Variants in ENTPD2 observed in about 807,000 individuals in gnomAD.
ENTPD2 encodes the protein CD39 antigen-like 1.
ENTPD2 carries 48 observed loss-of-function variants against 46.8 expected under a neutral mutation model. The observed-to-expected ratio is 1.03, with a 90% confidence interval of 0.81 to 1.30. The LOEUF (loss-of-function observed/expected upper bound fraction) is 1.30, where lower values mean the gene tolerates loss of function less well. ENTPD2 is among the 50% of genes most tolerant of loss of function. ENTPD2 has a pLI of 0.00. For synonymous variants in ENTPD2, 316 were observed against 286.1 expected (o/e 1.10, Z -1.06); for missense variants, 707 against 651.1 (o/e 1.09, Z -0.93).
rs990508783 is a variant in ENTPD2 at position 137,049,152 on chromosome 9, C to T, written c.1150-77G>A. On this transcript the variant is annotated intron_variant, in intron 7 of 8. Transcript: ENST00000355097. ...CCCCACGGGGAGAGGGGGCCGGCGG[C>T]GTGCTTCACCCCTCCCCAGACACAC... 1.2e-5 allele frequency: 18 copies of T among 1,532,396 alleles called. No homozygotes were observed. In the Admixed American group the frequency reaches 3.0e-4, roughly 25 times the overall value. 94.9% of individuals were successfully genotyped at this position (1,532,396 alleles called of 1,614,324 possible).
intron 4 of ENTPD2, 33 bp downstream of exon 4, chr9:137,051,178 C>T: frequency 3.1e-6 from 5 of 1,611,752 alleles, no homozygotes; most frequent in Non-Finnish European, 3.4e-6. Context: ...GGCGCCCACG[C>T]CCCCTGGCTC....
rs771012813 is a variant in ENTPD2, at chr9:137,049,968, T to C, written c.1051A>G (p.Thr351Ala). Residue 351 changes from threonine to alanine, a missense_variant, in exon 7 of 9, where the codon ACT becomes GCT. Physicochemically the swap from Thr to Ala is moderately conservative, Grantham distance 58. Coordinates refer to ENST00000355097, the MANE Select transcript of ENTPD2 (RefSeq NM_203468.3). ...NFVAFSAFFY[T>A]VDFLRTSMGL... ...ATCGAAGTCCGCAAAAAGTCCACAG[T>C]GTAGAAGAAGGCAGAGAAGGCCTGT... 2.5e-6 allele frequency: 4 copies of C among 1,612,538 alleles called. No homozygotes were observed. Among genetic ancestry groups the C allele is most frequent in the South Asian group, 2.2e-5 (2 of 91,048 alleles).
chr9:137,051,741 G>C, intron 2 of ENTPD2, 81 bp from the exon 3 acceptor site: 1 of 1,468,196 alleles, frequency 6.8e-7, no homozygotes, highest in Non-Finnish European at 9.0e-7. Flanking sequence ...GAGGGTGGGG[G>C]TGGGGGCCGT....
At position 137,053,976 on chromosome 9, in the gene ENTPD2, G is replaced by C; in HGVS notation, c.22C>G (p.Leu8Val). 8.3e-7 allele frequency: 1 copy of C among 1,207,716 alleles called. No homozygotes were observed. The allele number at this position is 1,207,716 out of a possible 1,614,324, so 74.8% of individuals were successfully genotyped here. Residue 8 changes from leucine (L) to valine (V), a missense_variant, in exon 1 of 9, where the codon CTG becomes GTG. Transcript: ENST00000355097. Reference protein sequence around the residue: MAGKVRSLLPPLLLAAAG... With the variant: MAGKVRSVLPPLLLAAAG... ...GCGGCCAGCAGCAGCGGCGGCAGCA[G>C]TGACCGCACCTTCCCGGCCATGGGC...
Position 137,050,452 on chromosome 9 carries a change from G to A in ENTPD2, c.861C>T (p.Ala287=), listed in dbSNP as rs146204639. 17 of 1,612,816 alleles carry A rather than the reference G, an allele frequency of 1.1e-5. No homozygotes were observed. The highest frequency in any genetic ancestry group is 1.6e-4 in the Middle Eastern group (1 of 6,082). ...TGCTGTTGAAGTTCTGGGGCCGCTGGGCCATGGTGCATGGTGACTGGTACA... is the reference window on the plus strand; with the variant it reads ...TGCTGTTGAAGTTCTGGGGCCGCTGAGCCATGGTGCATGGTGACTGGTACA... ...GDVYQSPCTM[A]QRPQNFNSSA... is the part of the protein sequence containing the mutation. The change falls in exon 6 of 9, where the codon GCC becomes GCT. Residue 287 remains alanine, a synonymous_variant. Coordinates refer to ENST00000355097, the MANE Select transcript of ENTPD2 (RefSeq NM_203468.3).
chr9:137,049,381 C>G (rs980117390), intron 7 of ENTPD2: 2 of 625,278 alleles, frequency 3.2e-6, no homozygotes, highest in South Asian at 3.1e-5. Context: ...GGGAACAGGA[C>G]GAGCTCCAGG....
At position 137,049,925 on chromosome 9, in the gene ENTPD2, G is replaced by A. The variant is rs768660044; in HGVS notation, c.1094C>T (p.Thr365Ile). ...TGCGGCTGCCTCCAGCTGCTGCAGGGTGGCCACGGGCAGCCCCATCGAAGT... is the reference window on the plus strand; with the variant it reads ...TGCGGCTGCCTCCAGCTGCTGCAGGATGGCCACGGGCAGCCCCATCGAAGT... ...LRTSMGLPVA[T>I]LQQLEAAAVN... The change falls in exon 7 of 9, where the codon ACC (threonine) becomes ATC (isoleucine). Residue 365 changes from threonine to isoleucine, a missense_variant. Coordinates refer to ENST00000355097, the MANE Select transcript of ENTPD2 (RefSeq NM_203468.3). The A allele has an allele frequency of 1.5e-5, 24 of 1,612,556 alleles. No individual in the cohort carries two copies. The South Asian group carries it at 2.2e-4, about 15-fold the overall frequency.
chr9:137,048,778 C>T lies in ENTPD2; in HGVS notation c.1367G>A (p.Arg456His), dbSNP rs1832191846. The T allele has an allele frequency of 6.3e-7, 1 of 1,594,558 alleles. No homozygotes were observed. Among genetic ancestry groups the T allele is most frequent in the Non-Finnish European group, 8.5e-7 (1 of 1,170,198 alleles). Reference sequence around the variant, plus strand: ...CCAGGAGCTGAAGTCTGTGCCCTTGCGCAGCCCCGGCGGGTCGGCGGGGAT... The same window carrying T: ...CCAGGAGCTGAAGTCTGTGCCCTTGTGCAGCCCCGGCGGGTCGGCGGGGAT... The part of the protein sequence containing the change: ...NLIPADPPGL[R>H]KGTDFSSWVV... Residue 456 changes from arginine to histidine, a missense_variant, in exon 9 of 9, where the codon CGC (arginine) becomes CAC (histidine). Arg to His is a conservative substitution (Grantham distance 29). Coordinates refer to ENST00000355097, the MANE Select transcript of ENTPD2 (RefSeq NM_203468.3).
chr9:137,048,547 G>GAGGGGTGGGGATAC lies in ENTPD2; in HGVS notation c.*96_*109dup. On this transcript the variant is annotated 3_prime_UTR_variant, in exon 9 of 9. Transcript: ENST00000355097. The stretch of plus-strand genomic sequence containing the variant: ...AGAGAGGTTGGGAGAGGGGTGGGTG[G>GAGGGGTGGGGATAC]AGGGGTGGGGATACAGGGGTGGGAG... 1 of 840,480 alleles carries GAGGGGTGGGGATAC rather than the reference G, an allele frequency of 1.2e-6. No individual in the cohort carries two copies. Among genetic ancestry groups the GAGGGGTGGGGATAC allele is most frequent in the Admixed American group, 2.7e-5 (1 of 36,698 alleles). The allele number at this position is 840,480 out of a possible 1,614,324, so 52.1% of individuals were successfully genotyped here.
rs761312454 is a variant in ENTPD2, at chr9:137,052,232, T to G, written c.234A>C (p.Pro78=). The G allele has an allele frequency of 6.2e-7, 1 of 1,612,242 alleles. No individual in the cohort carries two copies. Among genetic ancestry groups the G allele is most frequent in the South Asian group, 1.1e-5 (1 of 91,072 alleles). Residue 78 remains proline (P), a splice_region_variant and synonymous_variant, in exon 2 of 9, where the codon CCA becomes CCC. Transcript: ENST00000355097. ...TGGCTGGGCTGGGCTGGGCCTCACC[T>G]GGAACATCACAGGAGCTGTGCTGGC... ...IVGQHSSCDV[P]GGGISSYADN... is the part of the protein sequence containing the mutation.
chr9:137,049,257 G>A, intron 7 of ENTPD2, 182 bp from the exon 8 acceptor site: 1 of 1,046,984 alleles, frequency 9.6e-7, no homozygotes. Context: ...ACCCCCGGCA[G>A]GGCACGCTTC....
chr9:137,048,323 T>G lies in ENTPD2; in HGVS notation c.*334A>C. On this transcript the variant is annotated 3_prime_UTR_variant, in exon 9 of 9. Coordinates refer to ENST00000355097, the MANE Select transcript of ENTPD2 (RefSeq NM_203468.3). ...CAGTGATGCCCAGGCTGAAGCGGGCTGGAGGGGTTCAAGGAGCTGGATTGA... is the reference window on the plus strand; with the variant it reads ...CAGTGATGCCCAGGCTGAAGCGGGCGGGAGGGGTTCAAGGAGCTGGATTGA... 1 of 256,654 alleles carries G rather than the reference T, an allele frequency of 3.9e-6. No homozygotes were observed. Among genetic ancestry groups the G allele is most frequent in the Non-Finnish European group, 7.6e-6 (1 of 131,930 alleles). 15.9% of individuals were successfully genotyped at this position (256,654 alleles called of 1,614,324 possible).
In ENTPD2 at chr9:137,048,566, G is replaced by A; in HGVS notation, c.*91C>T. On this transcript the variant is annotated 3_prime_UTR_variant, in exon 9 of 9. Transcript: ENST00000355097. ...TGGGTGGAGGGGTGGGGATACAGGG[G>A]TGGGAGGTACAGGGGTTGTGGGAGG... is the stretch of plus-strand genomic sequence containing the variant. 1 of 1,126,554 alleles carries A rather than the reference G, an allele frequency of 8.9e-7. No homozygotes were observed. The highest frequency in any genetic ancestry group is 1.2e-6 in the Non-Finnish European group (1 of 807,646). The allele number at this position is 1,126,554 out of a possible 1,614,324, so 69.8% of individuals were successfully genotyped here.
At chr9:137,053,731 G>GCGGAACC in intron 1 of ENTPD2, 150 bp downstream of exon 1, 1 of 460,376 alleles carries the variant, frequency 2.2e-6, no homozygotes, top group Non-Finnish European at 3.5e-6. Flanking sequence ...AGCGCAGAGC[G>GCGGAACC]CGGAACCCGG....
In ENTPD2 at chr9:137,048,302, G is replaced by A. The variant is rs1177738918; in HGVS notation, c.*355C>T. 8.5e-6 allele frequency: 2 copies of A among 234,782 alleles called. No homozygotes were observed. Among genetic ancestry groups the A allele is most frequent in the African/African-American group, 4.7e-5 (2 of 42,996 alleles). The allele number at this position is 234,782 out of a possible 1,614,324, so 14.5% of individuals were successfully genotyped here. A position where few individuals can be genotyped will look rare whatever the true frequency, so the allele number is the denominator to read the frequency against. ...GGAGGAGGAGCACGGGGCCTGCAGTGATGCCCAGGCTGAAGCGGGCTGGAG... is the reference window on the plus strand; with the variant it reads ...GGAGGAGGAGCACGGGGCCTGCAGTAATGCCCAGGCTGAAGCGGGCTGGAG... On this transcript the variant is annotated 3_prime_UTR_variant, in exon 9 of 9. Transcript: ENST00000355097.
chr9:137,052,358 A>C lies in ENTPD2; in HGVS notation c.118-10T>G. The C allele has an allele frequency of 6.0e-5, 54 of 906,444 alleles. No homozygotes were observed. Among genetic ancestry groups the C allele is most frequent in the Non-Finnish European group, 8.0e-5 (47 of 587,382 alleles). 56.2% of individuals were successfully genotyped at this position (906,444 alleles called of 1,614,324 possible). A position where few individuals can be genotyped will look rare whatever the true frequency, so the allele number is the denominator to read the frequency against. On this transcript the variant is annotated splice_polypyrimidine_tract_variant and intron_variant, in intron 1 of 8. Coordinates refer to ENST00000355097, the MANE Select transcript of ENTPD2 (RefSeq NM_203468.3). The stretch of plus-strand genomic sequence containing the variant: ...CCAGGACGATGCCATACTGCGGGGG[A>C]GGGGGAGGGAGTCAGCCTGGGGTGT...
At chr9:137,049,498 C>T (rs139588423) in intron 7 of ENTPD2, 31 of 441,646 alleles carry the variant, frequency 7.0e-5, no homozygotes, top group African/African-American at 5.3e-4. Context: ...CCACCCCGGT[C>T]CTGGGACGAC....
chr9:137,051,447 C>T (rs993842134), intron 3 of ENTPD2, 63 bp downstream of exon 3: 33 of 1,544,320 alleles, frequency 2.1e-5, no homozygotes, highest in African/African-American at 4.1e-5. Flanking sequence ...TCGGAGTCCG[C>T]CCTGCAAGGG....
intron 7 of ENTPD2, chr9:137,049,587 A>T: frequency 4.3e-6 from 2 of 465,390 alleles, no homozygotes; most frequent in Non-Finnish European, 7.7e-6. Context: ...GTGTGGTACC[A>T]TGGAGGGAAC....
Sources: gnomAD v4.1 joint callset for allele counts on GRCh38, gnomAD v4.1.1 for gene constraint, MANE v1.5 for transcripts, NCBI Gene and HGNC (gene_info 2026-07-23, HGNC 2026-07-21) for gene names.